The following CAPN2 variants were observed in gnomAD, a reference collection of about 807,000 sequenced individuals.
CAPN2 encodes calpain 2, also known as calpain-2 catalytic subunit.
A neutral mutation model predicts 102.3 loss-of-function variants in CAPN2; 92 were observed. The observed-to-expected ratio is 0.90, with a 90% CI of 0.76 to 1.07. The LOEUF (loss-of-function observed/expected upper bound fraction) is 1.07, where lower values mean the gene tolerates loss of function less well. Ranked by LOEUF, CAPN2 falls within the 50% of genes least tolerant of loss-of-function variation. The pLI, the probability that CAPN2 is intolerant of heterozygous loss-of-function variation, is 0.00. For missense variants in CAPN2, 800 were observed against 909.4 expected, an observed-to-expected ratio of 0.88 and a Z score of 1.55; for synonymous variants, 340 against 355.4, an observed-to-expected ratio of 0.96 and a Z score of 0.49.
intron 2 of CAPN2, among the ~76,000 whole-genome samples, chr1:223,742,681 G>T (rs1660654589): frequency 1.5e-5 from 2 of 137,376 alleles, no homozygotes; most frequent in African/African-American, 6.8e-5. Flanking sequence ...CACCACACCT[G>T]GCAAATTTTT....
intron 1 of CAPN2, among the ~76,000 whole-genome samples, chr1:223,702,895 A>G (rs1659519158): frequency 6.6e-6 from 1 of 152,190 alleles, no homozygotes; most frequent in Admixed American, 6.5e-5. Flanking sequence ...AAAAACCAGG[A>G]GAAGGAGGGG....
chr1:223,753,661 C>T (rs1190512814), intron 9 of CAPN2, among the ~76,000 whole-genome samples: 2 of 152,182 alleles, frequency 1.3e-5, no homozygotes, highest in African/African-American at 4.8e-5. Context: ...GCTCCAAAAT[C>T]CAAAACTTTT....
At chr1:223,741,526 C>T (rs1415349350) in intron 2 of CAPN2, among the ~76,000 whole-genome samples, 4 of 150,406 alleles carry the variant, frequency 2.7e-5, no homozygotes, top group Non-Finnish European at 4.4e-5. Flanking sequence ...ACAATCTCGG[C>T]TCACTGCAAC....
intron 20 of CAPN2, among the ~76,000 whole-genome samples, chr1:223,773,616 C>G (rs1001431907): frequency 3.3e-5 from 5 of 152,090 alleles, no homozygotes; most frequent in African/African-American, 1.2e-4. Context: ...ATTGCTTGAA[C>G]CCGGGAGGCG....
chr1:223,743,714 G>A (rs976320498), intron 2 of CAPN2, among the ~76,000 whole-genome samples: 29 of 152,154 alleles, frequency 1.9e-4, no homozygotes, highest in African/African-American at 6.5e-4. Flanking sequence ...CTGCAGCTGC[G>A]CTGGTTTCAT....
intron 15 of CAPN2, among the ~76,000 whole-genome samples, chr1:223,764,767 T>C (rs577161943): frequency 3.3e-5 from 5 of 152,342 alleles, no homozygotes; most frequent in African/African-American, 1.2e-4. Context: ...TTTTGTATTT[T>C]CCTAGAGATG....
At position 223,774,722 on chromosome 1, in the gene CAPN2, C is replaced by T. The variant is rs540386088; in HGVS notation, c.2080-112C>T. On this transcript the variant is annotated intron_variant, in intron 20 of 20. Coordinates refer to ENST00000295006, the MANE Select transcript of CAPN2 (RefSeq NM_001748.5). The stretch of plus-strand genomic sequence containing the variant: ...ATGAGTTAGTGCACTGATATTGTAG[C>T]CCTCAATCAGCTTTTCCAGTACAAG... The T allele has an allele frequency of 3.6e-4, 319 of 878,660 alleles. 3 individuals are homozygous for T. The South Asian group carries it at 4.4e-3, about 12-fold the overall frequency. The allele number at this position is 878,660 out of a possible 1,614,324, so 54.4% of individuals were successfully genotyped here.
At position 223,754,469 on chromosome 1, in the gene CAPN2, A is replaced by T. The variant is rs569212361; in HGVS notation, c.1136-1011A>T. ...ACAACAACTCTATTGCTATAACCCA[A>T]AGGCAGCCATACTTAAGCGAATGGC... On this transcript the variant is annotated intron_variant, in intron 9 of 20. Coordinates refer to ENST00000295006, the MANE Select transcript of CAPN2 (RefSeq NM_001748.5). The surrounding 1 kb of genome is among the most constrained non-coding windows in gnomAD (Gnocchi z 4.7). Among the ~76,000 whole-genome samples the T allele has an allele frequency of 3.3e-4, 50 of 152,332 alleles. No homozygotes were observed. Among genetic ancestry groups the T allele is most frequent in the Admixed American group, 2.0e-4 (3 of 15,308 alleles).
chr1:223,723,629 G>A (rs1331162976), intron 2 of CAPN2, among the ~76,000 whole-genome samples: 4 of 152,040 alleles, frequency 2.6e-5, no homozygotes, highest in African/African-American at 9.7e-5. Context: ...AGATCTTAGA[G>A]ACGAGATGAG....
At position 223,774,953 on chromosome 1, in the gene CAPN2, T is replaced by G; in HGVS notation, c.*96T>G. The stretch of plus-strand genomic sequence containing the variant: ...ACACTTTGTATCTGGACCTCAAAAT[T>G]ATGGGAACATTTACTTAAACGGATG... On this transcript the variant is annotated 3_prime_UTR_variant, in exon 21 of 21. Coordinates refer to ENST00000295006, the MANE Select transcript of CAPN2 (RefSeq NM_001748.5). The G allele has an allele frequency of 5.0e-6, 5 of 990,146 alleles. 1 individual carries two copies. The Middle Eastern group carries it at 1.1e-3, about 209-fold the overall frequency. The allele number at this position is 990,146 out of a possible 1,614,324, so 61.3% of individuals were successfully genotyped here. A position where few individuals can be genotyped will look rare whatever the true frequency, so the allele number is the denominator to read the frequency against.
intron 7 of CAPN2, 126 bp from the exon 8 acceptor site, chr1:223,751,871 C>A: frequency 1.5e-6 from 1 of 667,298 alleles, no homozygotes; most frequent in Non-Finnish European, 2.7e-6. Flanking sequence ...CAGATGTGGG[C>A]TACTTTCCCC....
In CAPN2 at chr1:223,770,450, A is replaced by C; in HGVS notation, c.1828A>C (p.Ile610Leu). Reference sequence around the variant, plus strand: ...ACAGCTAACTTATGTGTTCCAGAAAATTTACCGAGAAATCGACGTTGACAG... The same window carrying C: ...ACAGCTAACTTATGTGTTCCAGAAACTTTACCGAGAAATCGACGTTGACAG... ...LWTKIQKYQKIYREIDVDRSG... is the reference protein window; with the variant it reads ...LWTKIQKYQKLYREIDVDRSG... Residue 610 changes from isoleucine (I) to leucine (L), a missense_variant, in exon 18 of 21, where the codon ATT (isoleucine) becomes CTT (leucine). Physicochemically the swap from Ile to Leu is conservative, Grantham distance 5. Coordinates refer to ENST00000295006, the MANE Select transcript of CAPN2 (RefSeq NM_001748.5). 2 of 1,613,026 alleles carry C rather than the reference A, an allele frequency of 1.2e-6. No homozygotes were observed. The highest frequency in any genetic ancestry group is 1.7e-6 in the Non-Finnish European group (2 of 1,179,262).
chr1:223,737,748 T>G (rs1660502607), intron 2 of CAPN2, among the ~76,000 whole-genome samples: 4 of 133,554 alleles, frequency 3.0e-5, no homozygotes, highest in East Asian at 2.1e-4. Context: ...CCATGTACTG[T>G]AAAGAAAAAC....
At position 223,712,787 on chromosome 1, in the gene CAPN2, G is replaced by A; in HGVS notation, c.147G>A (p.Pro49=). 1 of 1,578,694 alleles carries A rather than the reference G, an allele frequency of 6.3e-7. No individual in the cohort carries two copies. The highest frequency in any genetic ancestry group is 8.6e-7 in the Non-Finnish European group (1 of 1,164,946). ...AGGCCGGGACGCTCTTCCAGGACCC[G>A]TCCTTCCCGGCCATCCCCTCGGCCC... ...CLEAGTLFQD[P]SFPAIPSALG... The change falls in exon 1 of 21, where the codon CCG becomes CCA. Residue 49 remains proline (P), a synonymous_variant. Transcript: ENST00000295006.
At chr1:223,762,315 C>A in intron 14 of CAPN2, 64 bp downstream of exon 14, 1 of 1,293,934 alleles carries the variant, frequency 7.7e-7, no homozygotes, top group Non-Finnish European at 1.1e-6. Flanking sequence ...CAGTGTGTGT[C>A]CCCAAGGGGA....
In CAPN2 at chr1:223,712,632, G is replaced by C. The variant is rs1377726716; in HGVS notation, c.-9G>C. Reference sequence around the variant, plus strand: ...TTTCTCTGCGCAGTACGGCCGCCGGGACCGCAGCATGGCGGGCATCGCGGC... The same window carrying C: ...TTTCTCTGCGCAGTACGGCCGCCGGCACCGCAGCATGGCGGGCATCGCGGC... On this transcript the variant is annotated 5_prime_UTR_variant, in exon 1 of 21. Transcript: ENST00000295006. 1.3e-6 allele frequency: 2 copies of C among 1,517,522 alleles called. No homozygotes were observed. 94.0% of individuals were successfully genotyped at this position (1,517,522 alleles called of 1,614,324 possible). A position where few individuals can be genotyped will look rare whatever the true frequency, so the allele number is the denominator to read the frequency against.
intron 2 of CAPN2, among the ~76,000 whole-genome samples, chr1:223,719,704 C>T (rs538123033): frequency 2.0e-5 from 3 of 152,228 alleles, no homozygotes; most frequent in Admixed American, 6.5e-5. Context: ...GGTTAACATT[C>T]CTGGGAGAAA....
chr1:223,716,145 C>T (rs942536686), intron 1 of CAPN2, among the ~76,000 whole-genome samples: 2 of 152,196 alleles, frequency 1.3e-5, no homozygotes, highest in African/African-American at 4.8e-5. Context: ...ATATTTAATT[C>T]GATGCCCTAC....
chr1:223,716,555 A>G (rs1392089842), intron 1 of CAPN2, among the ~76,000 whole-genome samples: 8 of 151,922 alleles, frequency 5.3e-5, no homozygotes, highest in Admixed American at 5.3e-4. Flanking sequence ...AGCTCCCACA[A>G]TCTGAGCTAG....
Sources: gnomAD v4.1 joint callset for allele counts (sites outside exome capture counted in the v4.1 genomes callset) on GRCh38, gnomAD v4.1.1 for gene constraint, Gnocchi (gnomAD v3.1) non-coding constraint, MANE v1.5 for transcripts, NCBI Gene and HGNC (gene_info 2026-07-23, HGNC 2026-07-21) for gene names.